The following THBS1 variants were observed in gnomAD, a reference collection of about 807,000 sequenced individuals.
THBS1 encodes thrombospondin 1.
THBS1 carries 29 observed loss-of-function variants against 126.1 expected under a neutral mutation model. That is an observed-to-expected ratio of 0.23 (90% CI 0.17 to 0.31). THBS1 has a LOEUF of 0.31. Among genes scored for constraint, THBS1 ranks in the 10% least tolerant of loss-of-function variants. The probability of loss-of-function intolerance (pLI) is 1.00; values close to 1 mark genes in which losing one functional copy is unlikely to be tolerated. For synonymous variants in THBS1, 496 were observed against 577.8 expected (o/e 0.86, Z 2.03); for missense variants, 1,198 against 1,545.2 (o/e 0.78, Z 3.77).
chr15:39,588,923 C>T, intron 10 of THBS1, 36 bp from the exon 11 acceptor site: 1 of 1,614,158 alleles, frequency 6.2e-7, no homozygotes, highest in East Asian at 2.2e-5. Flanking sequence ...CTTAGACCAA[C>T]CATTTACTGT....
Position 39,592,644 on chromosome 15 carries a change from A to T in THBS1, c.2609A>T (p.Asn870Ile). The part of the protein sequence containing the change: ...QDIDEDGHQN[N>I]LDNCPYVPNA... ...ATTGATGAAGATGGCCACCAGAACA[A>T]TCTGGACAACTGTCCCTATGTGCCC... Residue 870 changes from asparagine (N) to isoleucine (I), a missense_variant, in exon 17 of 22, where the codon AAT (asparagine) becomes ATT (isoleucine). Coordinates refer to ENST00000260356, the MANE Select transcript of THBS1 (RefSeq NM_003246.4). The surrounding 1 kb of genome is among the most constrained non-coding windows in gnomAD (Gnocchi z 4.3). 6.2e-7 allele frequency: 1 copy of T among 1,614,182 alleles called. No individual in the cohort carries two copies. The highest frequency in any genetic ancestry group is 1.7e-5 in the Admixed American group (1 of 60,024).
chr15:39,582,148 G>C, intron 2 of THBS1, 45 bp from the exon 3 acceptor site: 1 of 1,545,502 alleles, frequency 6.5e-7, no homozygotes, highest in Non-Finnish European at 8.7e-7. Context: ...CCTACTGCTG[G>C]TCCCAGCCTA....
At chr15:39,591,885 C>T (rs926249734) in intron 16 of THBS1, among the ~76,000 whole-genome samples, 20 of 152,164 alleles carry the variant, frequency 1.3e-4, no homozygotes, top group African/African-American at 4.6e-4. Flanking sequence ...TGCTCAGCAT[C>T]GTCTACCATT....
intron 15 of THBS1, 64 bp from the exon 16 acceptor site, chr15:39,591,441 G>A (rs1220666021): frequency 6.2e-7 from 1 of 1,608,884 alleles, no homozygotes; most frequent in South Asian, 1.1e-5. Context: ...CTATTAGTAT[G>A]CACTTTGGTG....
intron 7 of THBS1, chr15:39,586,941 A>T (rs1217050094): frequency 6.3e-6 from 1 of 158,408 alleles, no homozygotes; most frequent in Non-Finnish European, 1.4e-5. Context: ...TTGGCCTAAG[A>T]AATATGTTGC....
chr15:39,589,037 G>T lies in THBS1; in HGVS notation c.1724G>T (p.Cys575Phe). The T allele has an allele frequency of 6.2e-7, 1 of 1,614,168 alleles. No homozygotes were observed. Among genetic ancestry groups the T allele is most frequent in the Non-Finnish European group, 8.5e-7 (1 of 1,180,034 alleles). Residue 575 changes from cysteine to phenylalanine, a missense_variant, in exon 11 of 22, where the codon TGT becomes TTT. Cys to Phe is a radical substitution (Grantham distance 205, BLOSUM62 -2). This residue lies in a region of THBS1 where 663 missense variants were observed against 860.1 expected (regional missense o/e 0.77). Coordinates refer to ENST00000260356, the MANE Select transcript of THBS1 (RefSeq NM_003246.4). This position sits in a 1 kb window ranked among gnomAD's most constrained non-coding sequence, Gnocchi z 4.7. ...GATGGCAGCTGGAAATGTGGTGCTTGTCCCCCTGGTTACAGTGGAAATGGC... is the reference window on the plus strand; with the variant it reads ...GATGGCAGCTGGAAATGTGGTGCTTTTCCCCCTGGTTACAGTGGAAATGGC... ...YPDGSWKCGA[C>F]PPGYSGNGIQ...
chr15:39,588,891 G>A, intron 10 of THBS1, 68 bp from the exon 11 acceptor site: 1 of 1,613,188 alleles, frequency 6.2e-7, no homozygotes, highest in Non-Finnish European at 8.5e-7. Flanking sequence ...TGTGTTAAGT[G>A]CCCAGCATGG....
chr15:39,586,530 C>G (rs1384309389), intron 7 of THBS1: 1 of 152,208 alleles, frequency 6.6e-6, no homozygotes, highest in Non-Finnish European at 1.5e-5. Flanking sequence ...GGTAAACAAA[C>G]ATGCTGTCCT....
At chr15:39,584,586 T>C (rs1890176692) in intron 6 of THBS1, among the ~76,000 whole-genome samples, 164 bp downstream of exon 6, 1 of 152,198 alleles carries the variant, frequency 6.6e-6, no homozygotes, top group Non-Finnish European at 1.5e-5. Flanking sequence ...CTATAAGTTC[T>C]TCTTTAAACT....
intron 10 of THBS1, 89 bp downstream of exon 10, chr15:39,588,788 G>A: frequency 6.4e-7 from 1 of 1,564,276 alleles, no homozygotes; most frequent in Non-Finnish European, 8.7e-7. Flanking sequence ...TTCCAGCTTG[G>A]TTAGTCCTGA....
At position 39,596,804 on chromosome 15, in the gene THBS1, G is replaced by C. The variant is rs1320152011; in HGVS notation, c.*1435G>C. The C allele has an allele frequency of 6.6e-6, 1 of 152,148 alleles. No individual in the cohort carries two copies. Among genetic ancestry groups the C allele is most frequent in the Admixed American group, 6.5e-5 (1 of 15,278 alleles). 9.4% of individuals were successfully genotyped at this position (152,148 alleles called of 1,614,324 possible). On this transcript the variant is annotated 3_prime_UTR_variant, in exon 22 of 22. Transcript: ENST00000260356. The stretch of plus-strand genomic sequence containing the variant: ...CCCATCCCTTGTGCATATTTCCAGG[G>C]AGAAGGAAAGCATATACACTTTTTT...
intron 4 of THBS1, 126 bp downstream of exon 4, chr15:39,583,818 A>T: frequency 8.1e-7 from 1 of 1,232,822 alleles, no homozygotes; most frequent in Non-Finnish European, 1.2e-6. Context: ...AGAGGCATAC[A>T]GAAGTGACTC....
intron 3 of THBS1, 42 bp from the exon 4 acceptor site, chr15:39,583,575 C>A: frequency 1.3e-6 from 2 of 1,512,846 alleles, no homozygotes. Flanking sequence ...CATCCCCACC[C>A]CGCTCTGCAT....
chr15:39,588,404 C>G, intron 9 of THBS1, 122 bp from the exon 10 acceptor site: 1 of 1,342,682 alleles, frequency 7.4e-7, no homozygotes, highest in Non-Finnish European at 1.0e-6. Context: ...CACCCTCTTC[C>G]CCAGCATTCT....
In THBS1 at chr15:39,581,454, CCTTA is replaced by C. The variant is rs556552676; in HGVS notation, c.-30+229_-30+232del. Reference sequence around the variant, plus strand: ...AACTCATCAGGACACCCCAAGATTTCCTTACTCTCTGAAGTCCTCCTTAAGCCTT... The same window carrying C: ...AACTCATCAGGACACCCCAAGATTTCCTCTCTGAAGTCCTCCTTAAGCCTT... On this transcript the variant is annotated intron_variant, in intron 1 of 21. Transcript: ENST00000260356. Among the ~76,000 whole-genome samples the C allele has an allele frequency of 1.1e-3, 166 of 152,278 alleles. 1 individual carries two copies. Among genetic ancestry groups the C allele is most frequent in the African/African-American group, 3.8e-3 (158 of 41,548 alleles).
chr15:39,593,912 CTCTG>C lies in THBS1; in HGVS notation c.3268-182_3268-179del. 1.2e-6 allele frequency: 1 copy of C among 868,490 alleles called. No homozygotes were observed. The highest frequency in any genetic ancestry group is 1.7e-6 in the Non-Finnish European group (1 of 580,310). The allele number at this position is 868,490 out of a possible 1,614,324, so 53.8% of individuals were successfully genotyped here. A position where few individuals can be genotyped will look rare whatever the true frequency, so the allele number is the denominator to read the frequency against. The stretch of plus-strand genomic sequence containing the variant: ...AAACAAAAAAACCTCCTTCCCTCCT[CTCTG>C]TCTGCTTTATATGTGTGCTCAGTGG... On this transcript the variant is annotated intron_variant, in intron 19 of 21. Coordinates refer to ENST00000260356, the MANE Select transcript of THBS1 (RefSeq NM_003246.4). The surrounding 1 kb of genome is among the most constrained non-coding windows in gnomAD (Gnocchi z 5.9).
rs754201773 is a variant in THBS1 at position 39,589,335 on chromosome 15, A to G, written c.1907A>G (p.His636Arg). The change falls in exon 12 of 22, where the codon CAT becomes CGT. Residue 636 changes from histidine (H) to arginine (R), a missense_variant. By Grantham distance (29) the His-to-Arg change is conservative. Around this residue, in one of 4 missense-constraint regions of THBS1, gnomAD observed 663 missense variants for 860.1 expected, o/e 0.77. Coordinates refer to ENST00000260356, the MANE Select transcript of THBS1 (RefSeq NM_003246.4). The surrounding 1 kb of genome is among the most constrained non-coding windows in gnomAD (Gnocchi z 4.7). The stretch of plus-strand genomic sequence containing the variant: ...CAGCCCTTCGGCCAGGGTGTCGAAC[A>G]TGCCACGGCCAACAAACAGGTACAG... ...GSQPFGQGVEHATANKQVCKP... is the reference protein window; with the variant it reads ...GSQPFGQGVERATANKQVCKP... The G allele has an allele frequency of 1.2e-6, 2 of 1,614,042 alleles. No homozygotes were observed. The highest frequency in any genetic ancestry group is 2.2e-5 in the South Asian group (2 of 91,078).
At chr15:39,582,092 G>C in intron 2 of THBS1, 101 bp from the exon 3 acceptor site, 4 of 1,392,536 alleles carry the variant, frequency 2.9e-6, no homozygotes, top group Non-Finnish European at 3.9e-6. Flanking sequence ...TGGTTGCCAG[G>C]AGTTTTCACC....
intron 8 of THBS1, 150 bp downstream of exon 8, chr15:39,587,670 A>G: frequency 3.7e-6 from 3 of 818,882 alleles, no homozygotes; most frequent in Non-Finnish European, 5.5e-6. Flanking sequence ...CTTGAACACA[A>G]CTTACCCTCT....
Sources: gnomAD v4.1 joint callset for allele counts (sites outside exome capture counted in the v4.1 genomes callset) on GRCh38, gnomAD v4.1.1 for gene constraint, gnomAD v4.1.1 regional missense constraint, Gnocchi (gnomAD v3.1) non-coding constraint, MANE v1.5 for transcripts, NCBI Gene and HGNC (gene_info 2026-07-23, HGNC 2026-07-21) for gene names.